CSTPP1: variants seen among roughly 807,000 people sequenced by gnomAD.
CSTPP1 encodes the protein UPF0705 protein C11orf49.
At chr11:47,022,417 T>A in the CSTPP1 span, among the ~76,000 whole-genome samples, 1 of 113,568 alleles carries the variant, frequency 8.8e-6, no homozygotes, top group East Asian at 2.9e-4. Flanking sequence ...TCACCCAGAC[T>A]GGAGTACAGT....
chr11:47,153,925 AG>A, the CSTPP1 span, among the ~76,000 whole-genome samples: 1 of 152,080 alleles, frequency 6.6e-6, no homozygotes, highest in South Asian at 2.1e-4. Flanking sequence ...GAAAAATATG[AG>A]AGAGCAAAAG....
At chr11:46,980,696 T>A in the CSTPP1 span, among the ~76,000 whole-genome samples, 1 of 152,004 alleles carries the variant, frequency 6.6e-6, no homozygotes, top group South Asian at 2.1e-4. Flanking sequence ...ACAGACAAGT[T>A]AAAAGAAGAC....
the CSTPP1 span, among the ~76,000 whole-genome samples, chr11:47,097,170 G>A: frequency 7.8e-5 from 10 of 127,438 alleles, no homozygotes; most frequent in Admixed American, 5.8e-4. Context: ...CCCTCCGCCC[G>A]GCCAGCCGCC....
At chr11:47,124,689 T>C in the CSTPP1 span, among the ~76,000 whole-genome samples, 1 of 152,134 alleles carries the variant, frequency 6.6e-6, no homozygotes, top group Non-Finnish European at 1.5e-5. Context: ...AGGCCACCCA[T>C]TGATGGAGAA....
At chr11:47,084,058 CTTG>C in the CSTPP1 span, among the ~76,000 whole-genome samples, 1 of 152,176 alleles carries the variant, frequency 6.6e-6, no homozygotes, top group Non-Finnish European at 1.5e-5. Context: ...TTTACAATTG[CTTG>C]TTAACATTTG....
chr11:47,086,562 G>A, the CSTPP1 span, among the ~76,000 whole-genome samples: 15 of 151,910 alleles, frequency 9.9e-5, no homozygotes, highest in Admixed American at 9.2e-4. Flanking sequence ...GGAAGGGAAG[G>A]GACAGGAGGC....
chr11:46,984,351 G>C, the CSTPP1 span, among the ~76,000 whole-genome samples: 2 of 152,072 alleles, frequency 1.3e-5, no homozygotes, highest in African/African-American at 4.8e-5. Flanking sequence ...ACTATTATAG[G>C]ATTGTATTTG....
the CSTPP1 span, among the ~76,000 whole-genome samples, chr11:47,092,700 G>A: frequency 6.6e-6 from 1 of 152,132 alleles, no homozygotes; most frequent in African/African-American, 2.4e-5. Context: ...CCAGTCCAGT[G>A]CAAATTACAA....
At chr11:46,986,100 C>A in the CSTPP1 span, among the ~76,000 whole-genome samples, 2 of 152,126 alleles carry the variant, frequency 1.3e-5, no homozygotes, top group Non-Finnish European at 2.9e-5. Context: ...AATTGATTGA[C>A]CATATTTTGA....
At chr11:47,105,494 C>CT in the CSTPP1 span, among the ~76,000 whole-genome samples, 1 of 151,968 alleles carries the variant, frequency 6.6e-6, no homozygotes, top group African/African-American at 2.4e-5. Flanking sequence ...GACAGAGACT[C>CT]TGTCTCTGAA....
At chr11:47,154,923 C>G in the CSTPP1 span, 1 of 528,122 alleles carries the variant, frequency 1.9e-6, no homozygotes. Flanking sequence ...ACCGGGAGCC[C>G]GCTCTGGGTA....
the CSTPP1 span, among the ~76,000 whole-genome samples, chr11:47,142,492 A>ATAGC: frequency 4.6e-5 from 7 of 152,086 alleles, no homozygotes; most frequent in South Asian, 4.2e-4. Context: ...CATGAATAAG[A>ATAGC]TATAGTTCCT....
chr11:47,154,776 T>TAA, the CSTPP1 span, among the ~76,000 whole-genome samples: 1 of 152,208 alleles, frequency 6.6e-6, no homozygotes, highest in East Asian at 1.9e-4. Context: ...TATTCTGAAC[T>TAA]AAATGGTCCT....
chr11:47,021,892 T>A, the CSTPP1 span, among the ~76,000 whole-genome samples: 10 of 151,018 alleles, frequency 6.6e-5, no homozygotes, highest in Non-Finnish European at 4.4e-5. Context: ...GCCAGAGAAT[T>A]AGGTTAGAAA....
the CSTPP1 span, among the ~76,000 whole-genome samples, chr11:47,003,102 G>A: frequency 1.3e-5 from 2 of 152,202 alleles, no homozygotes; most frequent in Admixed American, 6.5e-5. Flanking sequence ...TTGAGGCCAG[G>A]AGTTTGAGGC....
chr11:47,108,899 G>A, the CSTPP1 span, among the ~76,000 whole-genome samples: 1 of 151,924 alleles, frequency 6.6e-6, no homozygotes, highest in Non-Finnish European at 1.5e-5. Context: ...TAGAGACAGG[G>A]TTTCACCATG....
At chr11:47,042,086 C>CA in the CSTPP1 span, 2 of 113,634 alleles carry the variant, frequency 1.8e-5, no homozygotes, top group Non-Finnish European at 4.3e-5. Flanking sequence ...CTTGTAGTCC[C>CA]AGCTACTCAG....
At chr11:47,140,057 C>G in the CSTPP1 span, among the ~76,000 whole-genome samples, 2 of 152,216 alleles carry the variant, frequency 1.3e-5, no homozygotes, top group African/African-American at 4.8e-5. Context: ...GTGACAGACA[C>G]CAGCCTCACG....
chr11:47,111,200 C>G, the CSTPP1 span, among the ~76,000 whole-genome samples: 1 of 152,096 alleles, frequency 6.6e-6, no homozygotes, highest in African/African-American at 2.4e-5. Context: ...CCTCAAGAGT[C>G]CTTCACCCAA....
Sources: allele counts gnomAD v4.1 joint callset (sites outside exome capture counted in the v4.1 genomes callset), GRCh38; gene constraint gnomAD v4.1.1; transcripts MANE v1.5; gene names NCBI Gene and HGNC (gene_info 2026-07-23, HGNC 2026-07-21).